ANK2: variants seen among roughly 807,000 people sequenced by gnomAD.
ANK2 encodes the protein ankyrin-2.
Under a neutral mutation model 360.5 loss-of-function variants are expected in ANK2, and 83 were observed. That is an observed-to-expected ratio of 0.23 (90% confidence interval 0.19 to 0.28). The LOEUF (loss-of-function observed/expected upper bound fraction) is 0.28. Ranked by LOEUF, ANK2 falls within the 10% of genes least tolerant of loss-of-function variation. The pLI is 1.00. For missense variants in ANK2, 4,201 were observed against 4,795.7 expected, an observed-to-expected ratio of 0.88 and a Z score of 3.66; for synonymous variants, 1,740 against 1,759.5, an observed-to-expected ratio of 0.99 and a Z score of 0.28.
intron 21 of ANK2, chr4:113,293,233 T>G (rs1658314244): frequency 2.9e-6 from 2 of 687,004 alleles, no homozygotes; most frequent in Admixed American, 4.0e-5. Context: ...GATGCAAGCT[T>G]GTTGTGTTAC....
Position 113,314,471 on chromosome 4 carries a change from CT to C in ANK2, c.2693+3073del, listed in dbSNP as rs1481627659. Among the ~76,000 whole-genome samples the C allele has an allele frequency of 7.2e-5, 11 of 152,258 alleles. No homozygotes were observed. In the East Asian group the frequency reaches 2.1e-3, roughly 29 times the overall value. On this transcript the variant is annotated intron_variant, in intron 24 of 45. Transcript: ENST00000357077. Reference sequence around the variant, plus strand: ...ATAAACTAAGACCATAACAAAACCCCTAGTACATCCCCTAGATGAACAGCAA... The same window carrying C: ...ATAAACTAAGACCATAACAAAACCCCAGTACATCCCCTAGATGAACAGCAA...
At chr4:113,049,567 G>A (rs1021877539), upstream of ANK2, 20 of 1,398,254 alleles carry the variant, frequency 1.4e-5, no homozygotes, top group Non-Finnish European at 1.9e-5. Flanking sequence ...AGTTGTGGCA[G>A]CTGCTGCCAT....
intron 1 of ANK2, among the ~76,000 whole-genome samples, chr4:113,098,240 AAT>A (rs1476348305): frequency 6.6e-6 from 1 of 152,084 alleles, no homozygotes; most frequent in East Asian, 1.9e-4. Flanking sequence ...AATTTAAAAC[AAT>A]AGAGTAAAAT....
Position 112,906,323 on chromosome 4 carries a change from A to G in ANK2, c.21+1809A>G, listed in dbSNP as rs187484640. Reference sequence around the variant, plus strand: ...TTTCAGTAGAGAAGCAGGGGTAGAAACCAGACCGGATTAGTTTGAGAAGTA... The same window carrying G: ...TTTCAGTAGAGAAGCAGGGGTAGAAGCCAGACCGGATTAGTTTGAGAAGTA... On this transcript the variant is annotated intron_variant, in intron 2 of 30. Coordinates refer to the ANK2 transcript ENST00000503271. Among the ~76,000 whole-genome samples, 418 of 152,290 alleles carry G rather than the reference A, an allele frequency of 2.7e-3. 1 individual carries two copies. The highest frequency in any genetic ancestry group is 8.8e-3 in the African/African-American group (366 of 41,572).
intron 20 of ANK2, among the ~76,000 whole-genome samples, chr4:113,291,949 TAGG>T (rs2067883319): frequency 6.6e-6 from 1 of 152,240 alleles, no homozygotes; most frequent in Non-Finnish European, 1.5e-5. Flanking sequence ...GGTTAATTAT[TAGG>T]AGAGTCATGA....
At chr4:112,996,798 C>T (rs1482316008) in intron 2 of ANK2, among the ~76,000 whole-genome samples, 1 of 151,990 alleles carries the variant, frequency 6.6e-6, no homozygotes, top group Non-Finnish European at 1.5e-5. Context: ...ACTATAGTTA[C>T]CCTGTTGTGC....
At chr4:113,213,532 T>C (rs903851256) in intron 4 of ANK2, among the ~76,000 whole-genome samples, 1 of 152,198 alleles carries the variant, frequency 6.6e-6, no homozygotes, top group African/African-American at 2.4e-5. Flanking sequence ...CAGTGTAGTG[T>C]TCCCCTATAA....
the ANK2 span, among the ~76,000 whole-genome samples, chr4:112,710,646 C>T: frequency 1.3e-5 from 2 of 150,788 alleles, no homozygotes; most frequent in African/African-American, 4.9e-5. Flanking sequence ...TGCAGTGAGC[C>T]GAGATTGCAC....
intron 2 of ANK2, among the ~76,000 whole-genome samples, chr4:113,182,935 C>T (rs929643137): frequency 1.3e-4 from 20 of 151,980 alleles, no homozygotes; most frequent in African/African-American, 4.1e-4. Flanking sequence ...GGAAAAATAT[C>T]AACAGGGAAG....
chr4:112,879,875 A>C (rs1451695203), intron 1 of ANK2, among the ~76,000 whole-genome samples: 1 of 152,168 alleles, frequency 6.6e-6, no homozygotes, highest in Non-Finnish European at 1.5e-5. Context: ...GTCTCCAGCC[A>C]GGAGACATTA....
chr4:113,364,467 C>T (rs944080943), intron 40 of ANK2, among the ~76,000 whole-genome samples: 1 of 152,206 alleles, frequency 6.6e-6, no homozygotes, highest in Non-Finnish European at 1.5e-5. Flanking sequence ...TAACAGCCCT[C>T]ACTTCTAACA....
chr4:113,305,295 C>A (rs1002009712), intron 23 of ANK2, among the ~76,000 whole-genome samples: 2 of 143,824 alleles, frequency 1.4e-5, no homozygotes, highest in East Asian at 2.0e-4. Context: ...AGCCGAGATC[C>A]CGCCACTGCA....
chr4:112,879,146 A>T (rs1001870466), intron 1 of ANK2, among the ~76,000 whole-genome samples: 2 of 152,162 alleles, frequency 1.3e-5, no homozygotes, highest in Non-Finnish European at 2.9e-5. Context: ...AAAACTAGGG[A>T]TGGGTTGGAG....
chr4:113,205,370 G>C (rs2098932606), intron 4 of ANK2, among the ~76,000 whole-genome samples: 1 of 151,564 alleles, frequency 6.6e-6, no homozygotes, highest in African/African-American at 2.4e-5. Context: ...CTCTCATAAG[G>C]ATTCTAGAAA....
At position 113,353,256 on chromosome 4, in the gene ANK2, A is replaced by G. The variant is rs2095530453; in HGVS notation, c.4638A>G (p.Gly1546=). The G allele has an allele frequency of 4.3e-6, 7 of 1,614,040 alleles. No homozygotes were observed. The highest frequency in any genetic ancestry group is 5.9e-6 in the Non-Finnish European group (7 of 1,179,960). The part of the protein sequence containing the change: ...ELVKAAEEEP[G]EPFEIVERVK... ...TGAAGGCTGCTGAGGAAGAGCCAGG[A>G]GAGCCTTTTGAAATCGTTGAAAGAG... The change falls in exon 38 of 46, where the codon GGA becomes GGG. Residue 1546 remains glycine, a synonymous_variant. Transcript: ENST00000357077.
intron 45 of ANK2, among the ~76,000 whole-genome samples, chr4:113,374,336 T>C (rs1488510196): frequency 6.6e-6 from 1 of 152,236 alleles, no homozygotes; most frequent in Non-Finnish European, 1.5e-5. Flanking sequence ...CCTCAAAATT[T>C]TATATTATAC....
chr4:113,119,815 T>C (rs1204778632), intron 1 of ANK2, among the ~76,000 whole-genome samples: 4 of 152,182 alleles, frequency 2.6e-5, no homozygotes, highest in African/African-American at 9.6e-5. Flanking sequence ...GGTAAAGATA[T>C]TGCACATTAA....
chr4:112,792,046 T>C, the ANK2 span, among the ~76,000 whole-genome samples: 12,946 of 141,516 alleles, frequency 0.091, 589 homozygotes, highest in Non-Finnish European at 0.13. Context: ...TTTTTTTTTT[T>C]TTTTTTTTTT....
At chr4:113,200,833 A>G (rs1040129887) in intron 4 of ANK2, among the ~76,000 whole-genome samples, 4 of 151,894 alleles carry the variant, frequency 2.6e-5, no homozygotes, top group Admixed American at 6.6e-5. Flanking sequence ...TGGGAATTGA[A>G]CAATGAGAAC....
Sources: allele counts gnomAD v4.1 joint callset (sites outside exome capture counted in the v4.1 genomes callset), GRCh38; gene constraint gnomAD v4.1.1; transcripts MANE v1.5; gene names NCBI Gene and HGNC (gene_info 2026-07-23, HGNC 2026-07-21).